The following EVA1C variants were observed in gnomAD, a reference collection of about 807,000 sequenced individuals.
The protein encoded by EVA1C is eva-1 homolog C.
EVA1C carries 25 observed loss-of-function variants against 45.4 expected under a neutral mutation model. The ratio of observed to expected loss-of-function variants is 0.55; its 90% confidence interval spans 0.40 to 0.77. The LOEUF is 0.77. Among genes scored for constraint, EVA1C ranks in the 30% least tolerant of loss-of-function variants. EVA1C has a pLI of 0.00. For missense variants in EVA1C, 479 were observed against 554.8 expected (o/e 0.86, Z 1.37); for synonymous variants, 190 against 221.2 (o/e 0.86, Z 1.25).
intron 5 of EVA1C, chr21:32,497,328 T>A: frequency 1.7e-6 from 1 of 595,954 alleles, no homozygotes; most frequent in East Asian, 4.0e-5. Context: ...TGGACTTTTT[T>A]AATGGGTCCG....
At chr21:32,503,182 C>T (rs1363393277) in intron 6 of EVA1C, among the ~76,000 whole-genome samples, 2 of 152,344 alleles carry the variant, frequency 1.3e-5, no homozygotes, top group East Asian at 3.9e-4. Context: ...TAGCCCAATA[C>T]AACCTCCCTC....
intron 4 of EVA1C, among the ~76,000 whole-genome samples, chr21:32,473,004 AAAG>A (rs2146321068): frequency 6.6e-6 from 1 of 152,376 alleles, no homozygotes; most frequent in East Asian, 1.9e-4. Flanking sequence ...TCTGCAGCAC[AAAG>A]AAGCTCAAAG....
rs564891627 is a variant in EVA1C at position 32,481,707 on chromosome 21, A to G, written c.635-13320A>G. ...AATTTCATTCTCCTTTTAAAGAAAG[A>G]TCATTCGATACTTTCATTTCAAAGC... On this transcript the variant is annotated intron_variant, in intron 4 of 7. Coordinates refer to ENST00000300255, the MANE Select transcript of EVA1C (RefSeq NM_058187.5). 2.6e-5 allele frequency among the ~76,000 whole-genome samples: 4 copies of G among 152,332 alleles called. 1 individual carries two copies. Among genetic ancestry groups the G allele is most frequent in the South Asian group, 4.1e-4 (2 of 4,828 alleles).
intron 1 of EVA1C, among the ~76,000 whole-genome samples, chr21:32,433,979 A>G (rs201604762): frequency 0.13 from 9,674 of 71,910 alleles, 20 homozygotes; most frequent in African/African-American, 0.33. Flanking sequence ...CCAACATAGC[A>G]AGACCCCCAT....
At chr21:32,483,291 A>G (rs2833848) in intron 4 of EVA1C, among the ~76,000 whole-genome samples, 70,202 of 152,038 alleles carry the variant, frequency 0.46, 17,002 homozygotes, top group African/African-American at 0.58. Flanking sequence ...CTGGCGCCCG[A>G]ATGTGCAGCA....
intron 1 of EVA1C, among the ~76,000 whole-genome samples, chr21:32,427,502 CAA>C (rs2034535303): frequency 6.6e-6 from 1 of 151,168 alleles, no homozygotes; most frequent in Non-Finnish European, 1.5e-5. Context: ...ATCACGAGGT[CAA>C]GAGGTTGAGA....
chr21:32,459,750 A>G (rs899216889), intron 3 of EVA1C, among the ~76,000 whole-genome samples: 1 of 149,282 alleles, frequency 6.7e-6, no homozygotes, highest in Non-Finnish European at 1.5e-5. Context: ...CTGAGGCAGG[A>G]GAATCGTTTG....
At chr21:32,461,540 ACT>A (rs1715497448) in intron 3 of EVA1C, among the ~76,000 whole-genome samples, 2 of 152,150 alleles carry the variant, frequency 1.3e-5, no homozygotes, top group South Asian at 4.1e-4. Context: ...TGAGCAGGAC[ACT>A]GTGATTGTCC....
chr21:32,466,562 A>G (rs1433908251), intron 3 of EVA1C, among the ~76,000 whole-genome samples: 1 of 152,194 alleles, frequency 6.6e-6, no homozygotes, highest in Non-Finnish European at 1.5e-5. Context: ...CATTGCAAAG[A>G]AAGATTTTAC....
intron 4 of EVA1C, chr21:32,473,979 A>G: frequency 1.0e-6 from 1 of 984,088 alleles, no homozygotes; most frequent in South Asian, 4.7e-5. Flanking sequence ...CCGTGAATGC[A>G]GTGAAGTATT....
chr21:32,498,816 G>C (rs978674296), intron 5 of EVA1C, among the ~76,000 whole-genome samples: 2 of 152,164 alleles, frequency 1.3e-5, no homozygotes, highest in Non-Finnish European at 1.5e-5. Context: ...TCCATGAAGA[G>C]TGGTCCCTAG....
intron 1 of EVA1C, among the ~76,000 whole-genome samples, chr21:32,445,080 T>C (rs969138743): frequency 6.6e-6 from 1 of 152,158 alleles, no homozygotes; most frequent in Non-Finnish European, 1.5e-5. Flanking sequence ...TCTATGCCTT[T>C]CTCCAAAGAT....
intron 1 of EVA1C, among the ~76,000 whole-genome samples, chr21:32,443,974 C>G (rs1414275895): frequency 1.3e-5 from 2 of 151,930 alleles, no homozygotes; most frequent in East Asian, 3.9e-4. Context: ...TCCTCTCATT[C>G]TTTCTCTTCC....
chr21:32,451,544 A>C (rs2035580848), intron 1 of EVA1C, among the ~76,000 whole-genome samples: 1 of 152,176 alleles, frequency 6.6e-6, no homozygotes, highest in South Asian at 2.1e-4. Context: ...TCTTATTCAC[A>C]GTCTGCTGCA....
At chr21:32,457,468 C>T in intron 2 of EVA1C, 129 bp from the exon 3 acceptor site, 3 of 1,023,498 alleles carry the variant, frequency 2.9e-6, no homozygotes, top group Non-Finnish European at 4.5e-6. Context: ...TGCTCTTTGG[C>T]CTTAGACACA....
At chr21:32,498,305 G>T (rs142958520) in intron 5 of EVA1C, among the ~76,000 whole-genome samples, 1,932 of 152,222 alleles carry the variant, frequency 0.013, 53 homozygotes, top group African/African-American at 0.044. Context: ...AATTATCTGG[G>T]CATGATGGCG....
upstream of EVA1C, chr21:32,412,633 C>T: frequency 4.8e-6 from 2 of 413,576 alleles, no homozygotes; most frequent in Middle Eastern, 6.3e-4. Context: ...GGATCCTTTT[C>T]GGGGATCCTC....
At chr21:32,508,818 C>A (rs1383602072) in intron 7 of EVA1C, among the ~76,000 whole-genome samples, 1 of 152,182 alleles carries the variant, frequency 6.6e-6, no homozygotes, top group Non-Finnish European at 1.5e-5. Flanking sequence ...AAGTCAGGAT[C>A]TAAGGGTGGA....
chr21:32,416,009 A>G (rs2034022657), intron 1 of EVA1C, among the ~76,000 whole-genome samples: 1 of 152,226 alleles, frequency 6.6e-6, no homozygotes, highest in South Asian at 2.1e-4. Context: ...CAGAAGTATA[A>G]TGCTATGCCC....
Sources: gnomAD v4.1 joint callset for allele counts (sites outside exome capture counted in the v4.1 genomes callset) on GRCh38, gnomAD v4.1.1 for gene constraint, MANE v1.5 for transcripts, NCBI Gene and HGNC (gene_info 2026-07-23, HGNC 2026-07-21) for gene names.